Variants in ARHGAP10 observed in about 807,000 individuals in gnomAD.
ARHGAP10 encodes the protein Rho GTPase activating protein 10.
ARHGAP10 carries 87 observed loss-of-function variants against 108.6 expected under a neutral mutation model. The ratio of observed to expected loss-of-function variants is 0.80; its 90% CI spans 0.67 to 0.96. The LOEUF (loss-of-function observed/expected upper bound fraction) is 0.96, where lower values mean the gene tolerates loss of function less well. Ranked by LOEUF, ARHGAP10 falls within the 40% of genes least tolerant of loss-of-function variation. The probability of loss-of-function intolerance (pLI) is 0.00; values close to 1 mark genes in which losing one functional copy is unlikely to be tolerated. For synonymous variants in ARHGAP10, 347 were observed against 341.1 expected (o/e 1.02, Z -0.19); for missense variants, 939 against 954.5 (o/e 0.98, Z 0.21).
At chr4:147,952,068 G>C (rs1489808497) in intron 15 of ARHGAP10, among the ~76,000 whole-genome samples, 1 of 152,106 alleles carries the variant, frequency 6.6e-6, no homozygotes, top group Admixed American at 6.6e-5. Context: ...ATTCTTCTAT[G>C]TTGTAGCACA....
intron 20 of ARHGAP10, among the ~76,000 whole-genome samples, chr4:148,051,398 G>T (rs536029097): frequency 6.6e-6 from 1 of 152,328 alleles, no homozygotes; most frequent in Admixed American, 6.5e-5. Context: ...TATTGTAATT[G>T]ATGGAGCCGG....
intron 18 of ARHGAP10, among the ~76,000 whole-genome samples, chr4:148,009,930 G>C (rs1741105893): frequency 6.6e-6 from 1 of 152,138 alleles, no homozygotes; most frequent in African/African-American, 2.4e-5. Flanking sequence ...TCAGTTTCTG[G>C]TATCTGAATA....
At chr4:147,832,589 A>G (rs571033823) in intron 3 of ARHGAP10, among the ~76,000 whole-genome samples, 2 of 149,762 alleles carry the variant, frequency 1.3e-5, no homozygotes, top group African/African-American at 4.9e-5. Flanking sequence ...GGAGGTTACA[A>G]TGAGCTGAAA....
intron 1 of ARHGAP10, among the ~76,000 whole-genome samples, chr4:147,751,095 C>G (rs1014254092): frequency 5.3e-5 from 8 of 151,810 alleles, no homozygotes; most frequent in Admixed American, 2.6e-4. Flanking sequence ...AGGAGAATCT[C>G]TTGAACCCGG....
rs11420720 is a variant in ARHGAP10, at chr4:147,742,476, C to CTTTTTT, written c.154+10040_154+10045dup. Among the ~76,000 whole-genome samples the CTTTTTT allele has an allele frequency of 6.5e-4, 56 of 86,506 alleles. 1 individual carries two copies. Among genetic ancestry groups the CTTTTTT allele is most frequent in the East Asian group, 4.6e-3 (12 of 2,588 alleles). The allele number at this position is 86,506 out of a possible 152,430, so 56.8% of individuals were successfully genotyped here. ...TTACAGGAGAAATAGTCTGTGAACA[C>CTTTTTT]TTTTTTTTTTTTTTTTTTTTTTTTG... is the stretch of plus-strand genomic sequence containing the variant. On this transcript the variant is annotated intron_variant, in intron 1 of 22. Transcript: ENST00000336498.
At chr4:148,006,314 A>C (rs923077693) in intron 18 of ARHGAP10, among the ~76,000 whole-genome samples, 1 of 152,244 alleles carries the variant, frequency 6.6e-6, no homozygotes, top group Non-Finnish European at 1.5e-5. Flanking sequence ...CCTCTTGGTC[A>C]TCCCAGACGT....
intron 10 of ARHGAP10, among the ~76,000 whole-genome samples, chr4:147,886,602 C>T (rs1206720982): frequency 6.6e-6 from 1 of 152,284 alleles, no homozygotes; most frequent in Non-Finnish European, 1.5e-5. Context: ...CTGCTTCTTT[C>T]CTTCTTTATT....
At chr4:147,899,943 A>G (rs1209753031) in intron 10 of ARHGAP10, among the ~76,000 whole-genome samples, 2 of 149,430 alleles carry the variant, frequency 1.3e-5, no homozygotes, top group African/African-American at 4.9e-5. Context: ...GATTGTTACC[A>G]TTATAAGTTT....
At chr4:147,994,274 A>T (rs952123959) in intron 18 of ARHGAP10, among the ~76,000 whole-genome samples, 8 of 152,224 alleles carry the variant, frequency 5.3e-5, no homozygotes, top group Admixed American at 5.2e-4. Flanking sequence ...TGTGGGAGTA[A>T]GAAAGGAAAT....
Position 147,824,321 on chromosome 4 carries a change from CA to C in ARHGAP10, c.312+1377del, listed in dbSNP as rs57613352. Among the ~76,000 whole-genome samples, 505 of 136,004 alleles carry C rather than the reference CA, an allele frequency of 3.7e-3. 1 individual carries two copies. Among genetic ancestry groups the C allele is most frequent in the South Asian group, 0.011 (47 of 4,316 alleles). 89.2% of individuals were successfully genotyped at this position (136,004 alleles called of 152,430 possible). On this transcript the variant is annotated intron_variant, in intron 3 of 22. Transcript: ENST00000336498. The stretch of plus-strand genomic sequence containing the variant: ...TTGGCAACAGAGTGGGACTCTGTCT[CA>C]AAAAAAAAAAAATACGGATTCTTTT...
chr4:147,967,647 C>T (rs1715654590), intron 18 of ARHGAP10, among the ~76,000 whole-genome samples: 1 of 152,168 alleles, frequency 6.6e-6, no homozygotes, highest in Admixed American at 6.5e-5. Flanking sequence ...GTTATTTTCT[C>T]CTTGATTAGA....
intron 1 of ARHGAP10, among the ~76,000 whole-genome samples, chr4:147,820,903 TAACAC>T (rs1014848037): frequency 6.6e-6 from 1 of 152,164 alleles, no homozygotes; most frequent in Admixed American, 6.5e-5. Context: ...TTTTACATTT[TAACAC>T]AACCAAATTT....
intron 1 of ARHGAP10, among the ~76,000 whole-genome samples, chr4:147,811,602 A>C (rs548862584): frequency 1.2e-3 from 178 of 149,066 alleles, no homozygotes; most frequent in African/African-American, 3.7e-3. Flanking sequence ...AAAAAAAAAA[A>C]CAAAAAACAA....
At chr4:148,045,516 CG>C (rs935373810) in intron 19 of ARHGAP10, among the ~76,000 whole-genome samples, 2 of 151,682 alleles carry the variant, frequency 1.3e-5, no homozygotes, top group African/African-American at 4.8e-5. Flanking sequence ...CTGAGGCAGG[CG>C]GATCACCTGA....
chr4:148,004,526 A>G (rs1407878288), intron 18 of ARHGAP10, among the ~76,000 whole-genome samples: 2 of 152,162 alleles, frequency 1.3e-5, no homozygotes, highest in Non-Finnish European at 2.9e-5. Flanking sequence ...ATTGTCTTAG[A>G]CCAGAGAGAG....
chr4:147,876,899 T>G (rs1379972378), intron 8 of ARHGAP10, among the ~76,000 whole-genome samples: 1 of 152,222 alleles, frequency 6.6e-6, no homozygotes, highest in Non-Finnish European at 1.5e-5. Flanking sequence ...ATGGAGGCAC[T>G]GAGAGGTAAA....
chr4:147,896,672 A>G (rs948308701), intron 10 of ARHGAP10, among the ~76,000 whole-genome samples: 2 of 151,610 alleles, frequency 1.3e-5, no homozygotes, highest in Admixed American at 1.3e-4. Flanking sequence ...TCAACTTTGG[A>G]TTTAATTTTT....
intron 10 of ARHGAP10, among the ~76,000 whole-genome samples, chr4:147,901,008 A>G (rs1470579264): frequency 6.6e-6 from 1 of 152,172 alleles, no homozygotes; most frequent in East Asian, 1.9e-4. Context: ...GAGATTCACC[A>G]TATTTCCTTT....
intron 1 of ARHGAP10, among the ~76,000 whole-genome samples, chr4:147,786,602 T>A (rs1221722634): frequency 6.6e-6 from 1 of 152,222 alleles, no homozygotes; most frequent in Non-Finnish European, 1.5e-5. Flanking sequence ...AGTTTTAATG[T>A]TTCAAAGGAT....
Sources: allele counts gnomAD v4.1 joint callset (sites outside exome capture counted in the v4.1 genomes callset), GRCh38; gene constraint gnomAD v4.1.1; transcripts MANE v1.5; gene names NCBI Gene and HGNC (gene_info 2026-07-23, HGNC 2026-07-21).